DNAAF9: variants seen among roughly 807,000 people sequenced by gnomAD.
DNAAF9 encodes the protein shulin.
A neutral mutation model predicts 167.0 loss-of-function variants in DNAAF9; 90 were observed. That is an observed-to-expected ratio of 0.54 (90% confidence interval 0.45 to 0.64). The LOEUF is 0.64. DNAAF9 is among the 30% of genes least tolerant of loss of function. The pLI is 0.00. For synonymous variants in DNAAF9, 491 were observed against 508.8 expected (o/e 0.96, Z 0.47); for missense variants, 1,315 against 1,442.2 (o/e 0.91, Z 1.43).
chr20:3,407,621 G>A lies in DNAAF9; in HGVS notation c.-64C>T. On this transcript the variant is annotated 5_prime_UTR_variant, in exon 1 of 37. Transcript: ENST00000252032. ...TGCGAGGGTCTCAGTTGCCCGCAGG[G>A]CGGCTCCACGCTAGCTGCGGCCGGG... 1.7e-6 allele frequency: 2 copies of A among 1,194,904 alleles called. No homozygotes were observed. Among genetic ancestry groups the A allele is most frequent in the Admixed American group, 4.5e-5 (1 of 22,278 alleles). 74.0% of individuals were successfully genotyped at this position (1,194,904 alleles called of 1,614,324 possible). A position where few individuals can be genotyped will look rare whatever the true frequency, so the allele number is the denominator to read the frequency against.
At chr20:3,402,990 ATCATTTCT>A (rs2123313384) in intron 1 of DNAAF9, among the ~76,000 whole-genome samples, 1 of 152,230 alleles carries the variant, frequency 6.6e-6, no homozygotes, top group East Asian at 1.9e-4. Flanking sequence ...TTATTTTTTT[ATCATTTCT>A]TCATGTCTTC....
At chr20:3,338,716 G>A (rs1352398376) in intron 10 of DNAAF9, among the ~76,000 whole-genome samples, 10 of 146,964 alleles carry the variant, frequency 6.8e-5, no homozygotes, top group Admixed American at 2.1e-4. Context: ...GCAATGGTGC[G>A]ATCTCAGCTC....
intron 27 of DNAAF9, among the ~76,000 whole-genome samples, chr20:3,284,173 CTTTT>C (rs200633758): frequency 5.1e-5 from 6 of 118,260 alleles, no homozygotes; most frequent in Admixed American, 3.9e-4. Context: ...TTACTAGAGT[CTTTT>C]TTTTTTTTTT....
intron 6 of DNAAF9, among the ~76,000 whole-genome samples, chr20:3,372,175 A>G (rs775105580): frequency 6.6e-6 from 1 of 152,216 alleles, no homozygotes; most frequent in Non-Finnish European, 1.5e-5. Flanking sequence ...CTTAGCCTGC[A>G]AAGGAGGCAA....
intron 7 of DNAAF9, among the ~76,000 whole-genome samples, chr20:3,353,227 C>T (rs1333420271): frequency 6.6e-6 from 1 of 151,964 alleles, no homozygotes; most frequent in Non-Finnish European, 1.5e-5. Context: ...TCATAATGCA[C>T]ATCACTGGCC....
At chr20:3,336,703 C>A (rs1018512491) in intron 10 of DNAAF9, among the ~76,000 whole-genome samples, 3 of 152,008 alleles carry the variant, frequency 2.0e-5, no homozygotes, top group Non-Finnish European at 1.5e-5. Flanking sequence ...AAGCGCCTGC[C>A]ACCACGCCTG....
intron 20 of DNAAF9, among the ~76,000 whole-genome samples, chr20:3,311,806 G>A (rs1463772662): frequency 6.6e-6 from 1 of 152,174 alleles, no homozygotes; most frequent in Non-Finnish European, 1.5e-5. Context: ...ATTAGGTACT[G>A]GGCAGCCTGC....
At chr20:3,383,804 T>C (rs6037585) in intron 1 of DNAAF9, among the ~76,000 whole-genome samples, 28,500 of 149,462 alleles carry the variant, frequency 0.19, 2,875 homozygotes, top group African/African-American at 0.23. Flanking sequence ...CTGGATTCTT[T>C]TTTTTTTTTT....
intron 18 of DNAAF9, 106 bp downstream of exon 18, chr20:3,316,617 C>A: frequency 2.8e-6 from 2 of 720,874 alleles, no homozygotes; most frequent in Admixed American, 2.1e-5. Context: ...ACAGCTAGTT[C>A]AGGACCTGAC....
chr20:3,340,528 G>T lies in DNAAF9; in HGVS notation c.957C>A (p.Pro319=), dbSNP rs758729140. The T allele has an allele frequency of 2.6e-6, 4 of 1,510,782 alleles. No individual in the cohort carries two copies. Among genetic ancestry groups the T allele is most frequent in the African/African-American group, 3.0e-5 (2 of 66,894 alleles). The allele number at this position is 1,510,782 out of a possible 1,614,324, so 93.6% of individuals were successfully genotyped here. Residue 319 remains proline (P), a synonymous_variant, in exon 10 of 37, where the codon CCC becomes CCA. Coordinates refer to ENST00000252032, the MANE Select transcript of DNAAF9 (RefSeq NM_001009984.3). ...CCATGTGCTTGGCAAAGCTCCCGCC[G>T]GGACCAGTGCTTCGTACCAGATGTC... ...SEGHLVRSTG[P]GGSFAKHMVA...
intron 10 of DNAAF9, among the ~76,000 whole-genome samples, chr20:3,338,667 T>C (rs1353607576): frequency 6.6e-6 from 1 of 150,562 alleles, no homozygotes; most frequent in East Asian, 1.9e-4. Flanking sequence ...TTTTTTTTTT[T>C]CTGAGACGGA....
chr20:3,259,488 T>A lies in DNAAF9; in HGVS notation c.3047A>T (p.Lys1016Met). The change falls in exon 33 of 37, where the codon AAG (lysine) becomes ATG (methionine). Residue 1016 changes from lysine to methionine, a missense_variant. Around this residue, in one of 2 missense-constraint regions of DNAAF9, gnomAD observed 334 missense variants for 429.7 expected, o/e 0.78. Transcript: ENST00000252032. ...GNIYHILGKV[K>M]FSDSERTMEV... ...TCCCAGCCCCTGGTTACCTGAAAACTTCACTTTGCCCAGGATGTGGTAGAT... is the reference window on the plus strand; with the variant it reads ...TCCCAGCCCCTGGTTACCTGAAAACATCACTTTGCCCAGGATGTGGTAGAT... The A allele has an allele frequency of 6.2e-7, 1 of 1,606,950 alleles. No individual in the cohort carries two copies. Among genetic ancestry groups the A allele is most frequent in the Non-Finnish European group, 8.5e-7 (1 of 1,173,488 alleles).
intron 3 of DNAAF9, among the ~76,000 whole-genome samples, chr20:3,381,052 A>G (rs1002054464): frequency 6.6e-6 from 1 of 152,222 alleles, no homozygotes; most frequent in South Asian, 2.1e-4. Context: ...TCACAGGACA[A>G]CACCATGTAA....
At chr20:3,291,696 A>G (rs1209378695) in intron 25 of DNAAF9, among the ~76,000 whole-genome samples, 2 of 152,148 alleles carry the variant, frequency 1.3e-5, no homozygotes, top group African/African-American at 4.8e-5. Context: ...CCAGTCACAA[A>G]TAACTTATGC....
chr20:3,374,288 A>G, intron 5 of DNAAF9, 134 bp from the exon 6 acceptor site: 2 of 500,552 alleles, frequency 4.0e-6, no homozygotes, highest in Non-Finnish European at 7.2e-6. Flanking sequence ...ATAAAATACA[A>G]ACAGATAAAA....
At chr20:3,346,816 T>C (rs2070202719) in intron 8 of DNAAF9, among the ~76,000 whole-genome samples, 1 of 151,954 alleles carries the variant, frequency 6.6e-6, no homozygotes, top group Non-Finnish European at 1.5e-5. Flanking sequence ...CTTAGAATCA[T>C]AGTAATAGAA....
chr20:3,318,234 C>CAAAAA (rs59462924), intron 17 of DNAAF9, 55 bp downstream of exon 17: 68 of 621,242 alleles, frequency 1.1e-4, no homozygotes, highest in Admixed American at 1.3e-4. Context: ...TTTATTTTGC[C>CAAAAA]AAAAAAAAAA....
intron 12 of DNAAF9, among the ~76,000 whole-genome samples, chr20:3,328,060 G>A (rs560889712): frequency 1.1e-4 from 16 of 152,174 alleles, no homozygotes; most frequent in South Asian, 4.2e-4. Context: ...AACATCACTC[G>A]GTACCAACAC....
Position 3,318,329 on chromosome 20 carries a change from AG to A in DNAAF9, c.1427del (p.Ser476LeufsTer5). ...AGATCTGAGAAGTCAAAAATGATTC[AG>A]AGAAAACCACAGATCCTAAACAACC... ...GNGCLGSVVF[S>X]ESFLTSQILV... On this transcript the variant is annotated frameshift_variant, in exon 17 of 37. Coordinates refer to ENST00000252032, the MANE Select transcript of DNAAF9 (RefSeq NM_001009984.3). LOFTEE classifies it high-confidence loss of function. 1 of 1,599,642 alleles carries A rather than the reference AG, an allele frequency of 6.3e-7. No individual in the cohort carries two copies. Among genetic ancestry groups the A allele is most frequent in the Non-Finnish European group, 8.6e-7 (1 of 1,167,098 alleles).
Sources: gnomAD v4.1 joint callset for allele counts (sites outside exome capture counted in the v4.1 genomes callset) on GRCh38, gnomAD v4.1.1 for gene constraint, gnomAD v4.1.1 regional missense constraint, MANE v1.5 for transcripts, NCBI Gene and HGNC (gene_info 2026-07-23, HGNC 2026-07-21) for gene names.